Variants in NPL observed in about 807,000 individuals in gnomAD.
The protein encoded by NPL is N-acetylneuraminate lyase.
NPL carries 32 observed loss-of-function variants against 41.1 expected under a neutral mutation model. The observed-to-expected ratio is 0.78, with a 90% CI of 0.59 to 1.05. NPL has a LOEUF of 1.05. Ranked by LOEUF, NPL falls within the 50% of genes least tolerant of loss-of-function variation. The pLI, the probability that NPL is intolerant of heterozygous loss-of-function variation, is 0.00. For missense variants in NPL, 321 were observed against 378.4 expected, an observed-to-expected ratio of 0.85 and a Z score of 1.26; for synonymous variants, 128 against 134.9, an observed-to-expected ratio of 0.95 and a Z score of 0.35.
intron 3 of NPL, 147 bp from the exon 4 acceptor site, chr1:182,803,551 G>C (rs1666916282): frequency 1.5e-6 from 1 of 668,590 alleles, no homozygotes; most frequent in Non-Finnish European, 2.7e-6. Context: ...AAAACCCCAG[G>C]CATTATTTAC....
At chr1:182,808,290 G>A (rs985685138) in intron 5 of NPL, among the ~76,000 whole-genome samples, 5 of 152,146 alleles carry the variant, frequency 3.3e-5, no homozygotes, top group Admixed American at 2.6e-4. Flanking sequence ...TCATTATAAC[G>A]TTTGTTATAA....
Position 182,822,252 on chromosome 1 carries a change from G to A in NPL, c.738+53G>A, listed in dbSNP as rs943612297. On this transcript the variant is annotated intron_variant, in intron 11 of 12. Coordinates refer to ENST00000367553, the MANE Select transcript of NPL (RefSeq NM_030769.3). ...TCACAGCCTTTTTTCTTCCCCACTT[G>A]AGGATTCTTTTTCTTCTCTCTACCA... 2.4e-6 allele frequency: 3 copies of A among 1,247,050 alleles called. No homozygotes were observed. In the African/African-American group the frequency reaches 4.4e-5, roughly 18 times the overall value. The allele number at this position is 1,247,050 out of a possible 1,614,324, so 77.2% of individuals were successfully genotyped here.
chr1:182,818,366 T>C (rs1667392546), intron 8 of NPL, among the ~76,000 whole-genome samples, 175 bp from the exon 9 acceptor site: 1 of 152,150 alleles, frequency 6.6e-6, no homozygotes. Context: ...AAGTTTAGCA[T>C]TATAATTGGA....
chr1:182,812,469 T>G (rs1667205174), intron 6 of NPL, among the ~76,000 whole-genome samples: 1 of 152,152 alleles, frequency 6.6e-6, no homozygotes, highest in Non-Finnish European at 1.5e-5. Context: ...CAGCTGTAGC[T>G]GAGTTTGCAG....
rs763512063 is a variant in NPL, at chr1:182,794,396, C to G, written c.25C>G (p.Gln9Glu). 9.9e-6 allele frequency: 16 copies of G among 1,614,204 alleles called. No homozygotes were observed. Among genetic ancestry groups the G allele is most frequent in the Non-Finnish European group, 1.3e-5 (15 of 1,180,022 alleles). Reference protein sequence around the residue: MAFPKKKLQGLVAATITPM... With the variant: MAFPKKKLEGLVAATITPM... ...AATGGCCTTCCCAAAGAAGAAACTT[C>G]AGGGTCTTGTGGCTGCAACCATCAC... The change falls in exon 3 of 13, where the codon CAG (glutamine) becomes GAG (glutamate). Residue 9 changes from glutamine (Q) to glutamate (E), a missense_variant. By Grantham distance (29) the Gln-to-Glu change is conservative (BLOSUM62 2). Coordinates refer to ENST00000367553, the MANE Select transcript of NPL (RefSeq NM_030769.3).
chr1:182,825,637 T>G, intron 11 of NPL, 144 bp from the exon 12 acceptor site: 1 of 667,294 alleles, frequency 1.5e-6, no homozygotes, highest in East Asian at 2.6e-5. Context: ...CCATCTTCAC[T>G]TGGCTATTTT....
chr1:182,811,943 C>T (rs1667187330), intron 5 of NPL, among the ~76,000 whole-genome samples: 2 of 152,178 alleles, frequency 1.3e-5, no homozygotes, highest in South Asian at 4.1e-4. Context: ...CAACCAACCT[C>T]TCAGTAACAT....
intron 2 of NPL, among the ~76,000 whole-genome samples, chr1:182,792,713 G>T (rs138804248): frequency 6.6e-6 from 1 of 152,192 alleles, no homozygotes; most frequent in Admixed American, 6.5e-5. Flanking sequence ...TGCAGGACTT[G>T]GTCTTGATTT....
intron 2 of NPL, among the ~76,000 whole-genome samples, chr1:182,792,513 G>C (rs1452684126): frequency 6.6e-6 from 1 of 152,152 alleles, no homozygotes; most frequent in African/African-American, 2.4e-5. Context: ...GGCCTTTAAG[G>C]CTCAGAGGCT....
chr1:182,800,044 T>G (rs190449629), intron 3 of NPL, among the ~76,000 whole-genome samples: 2 of 152,246 alleles, frequency 1.3e-5, no homozygotes. Flanking sequence ...ATCTCATTGT[T>G]TCCATTCTCT....
Position 182,828,966 on chromosome 1 carries a change from A to AT in NPL, c.*65dup, listed in dbSNP as rs1017908262. 31 of 1,607,422 alleles carry AT rather than the reference A, an allele frequency of 1.9e-5. No homozygotes were observed. The highest frequency in any genetic ancestry group is 1.0e-4 in the Admixed American group (6 of 59,500). ...AGACATAATCTACCTTAAATAGTGCATTTTTTTCTCAGGGAATTTTAGATG... is the reference window on the plus strand; with the variant it reads ...AGACATAATCTACCTTAAATAGTGCATTTTTTTTCTCAGGGAATTTTAGATG... On this transcript the variant is annotated 3_prime_UTR_variant, in exon 13 of 13. Coordinates refer to ENST00000367553, the MANE Select transcript of NPL (RefSeq NM_030769.3). This position sits in a 1 kb window ranked among gnomAD's most constrained non-coding sequence, Gnocchi z 4.0.
Position 182,829,285 on chromosome 1 carries a change from C to T in NPL, c.*377C>T. ...CTAATTTTAAACCACTATAATATGT[C>T]TTCATTTTAATAAATATTCATTTGG... On this transcript the variant is annotated 3_prime_UTR_variant, in exon 13 of 13. Transcript: ENST00000367553. 1 of 1,184,490 alleles carries T rather than the reference C, an allele frequency of 8.4e-7. No homozygotes were observed. The highest frequency in any genetic ancestry group is 2.4e-5 in the South Asian group (1 of 42,374). 73.4% of individuals were successfully genotyped at this position (1,184,490 alleles called of 1,614,324 possible).
chr1:182,827,645 T>C (rs1212052879), intron 12 of NPL, among the ~76,000 whole-genome samples: 1 of 152,210 alleles, frequency 6.6e-6, no homozygotes, highest in East Asian at 1.9e-4. Flanking sequence ...TCTTGTTGTT[T>C]TATACTCTAC....
intron 3 of NPL, among the ~76,000 whole-genome samples, chr1:182,801,494 G>A (rs1666845178): frequency 6.6e-6 from 1 of 152,166 alleles, no homozygotes; most frequent in African/African-American, 2.4e-5. Context: ...GCCTAAGGGT[G>A]CAGCCAACTC....
intron 3 of NPL, among the ~76,000 whole-genome samples, chr1:182,800,481 A>AATTATTT (rs1209664645): frequency 6.7e-6 from 1 of 148,924 alleles, no homozygotes; most frequent in Non-Finnish European, 1.5e-5. Context: ...CCTCAAGGAG[A>AATTATTT]ATTATTTTCG....
At chr1:182,813,520 G>A (rs1219519855) in intron 6 of NPL, among the ~76,000 whole-genome samples, 1 of 151,958 alleles carries the variant, frequency 6.6e-6, no homozygotes, top group Non-Finnish European at 1.5e-5. Context: ...TGTGGTGTAG[G>A]GTATATTTTT....
chr1:182,794,440 GT>G lies in NPL; in HGVS notation c.68+2del, dbSNP rs761806358. On this transcript the variant is annotated splice_donor_variant, in intron 3 of 12. Coordinates refer to ENST00000367553, the MANE Select transcript of NPL (RefSeq NM_030769.3). LOFTEE classifies it high-confidence loss of function. ...CCATCACGCCAATGACTGAGAATGG[GT>G]AACTATCATTTGGGGCCTTGAGGGG... is the stretch of plus-strand genomic sequence containing the variant. 674 of 1,613,970 alleles carry G rather than the reference GT, an allele frequency of 4.2e-4. No individual in the cohort carries two copies. The highest frequency in any genetic ancestry group is 5.1e-4 in the Non-Finnish European group (596 of 1,179,946).
rs1463015466 is a variant in NPL at position 182,830,186 on chromosome 1, T to A, written c.*1278T>A. ...CTTTGCTAATCCTCTCTTTAATTAGTCAGCTAGTTAAAAGTTGTTATATTC... is the reference window on the plus strand; with the variant it reads ...CTTTGCTAATCCTCTCTTTAATTAGACAGCTAGTTAAAAGTTGTTATATTC... On this transcript the variant is annotated 3_prime_UTR_variant, in exon 13 of 13. Transcript: ENST00000367553. 1 of 152,288 alleles carries A rather than the reference T, an allele frequency of 6.6e-6. No homozygotes were observed. Among genetic ancestry groups the A allele is most frequent in the African/African-American group, 2.4e-5 (1 of 41,456 alleles). 9.4% of individuals were successfully genotyped at this position (152,288 alleles called of 1,614,324 possible). A position where few individuals can be genotyped will look rare whatever the true frequency, so the allele number is the denominator to read the frequency against.
chr1:182,803,580 C>A, intron 3 of NPL, 118 bp from the exon 4 acceptor site: 1 of 744,090 alleles, frequency 1.3e-6, no homozygotes, highest in South Asian at 1.5e-5. Flanking sequence ...AAGAATTTCA[C>A]AAATTGAGTG....
Sources: allele counts gnomAD v4.1 joint callset (sites outside exome capture counted in the v4.1 genomes callset), GRCh38; gene constraint gnomAD v4.1.1; non-coding constraint Gnocchi (gnomAD v3.1); transcripts MANE v1.5; gene names NCBI Gene and HGNC (gene_info 2026-07-23, HGNC 2026-07-21).